TET2: variants seen among roughly 807,000 people sequenced by gnomAD.
TET2 encodes tet methylcytosine dioxygenase 2.
A neutral mutation model predicts 142.9 loss-of-function variants in TET2; 299 were observed. The ratio of observed to expected loss-of-function variants is 2.09; its 90% CI spans 1.90 to 2.30. The LOEUF (loss-of-function observed/expected upper bound fraction) is 2.30. Ranked by LOEUF, TET2 falls within the 30% of genes most tolerant of loss-of-function variation. TET2 has a pLI of 0.00. For synonymous variants in TET2, 819 were observed against 849.0 expected, an observed-to-expected ratio of 0.96 and a Z score of 0.61; for missense variants, 2,418 against 2,378.0, an observed-to-expected ratio of 1.02 and a Z score of -0.35.
At chr4:105,155,257 T>C (rs762734588) in intron 1 of TET2, among the ~76,000 whole-genome samples, 9 of 152,238 alleles carry the variant, frequency 5.9e-5, no homozygotes, top group Non-Finnish European at 1.0e-4. Context: ...AAGTATCTCA[T>C]AGGGTTTAAA....
intron 8 of TET2, among the ~76,000 whole-genome samples, chr4:105,266,448 A>G (rs1204940289): frequency 6.6e-6 from 1 of 152,184 alleles, no homozygotes; most frequent in African/African-American, 2.4e-5. Flanking sequence ...TTACTGGGGA[A>G]CAGGCAGAAA....
intron 5 of TET2, 82 bp downstream of exon 5, chr4:105,243,009 C>A: frequency 8.9e-7 from 1 of 1,121,266 alleles, no homozygotes; most frequent in Non-Finnish European, 1.3e-6. Context: ...TTGGGTTACC[C>A]AGATCAAAGA....
rs145194380 is a variant in TET2, at chr4:105,236,141, C to T, written c.2199C>T (p.Ser733=). The part of the protein sequence containing the change: ...PHKQAAQTQP[S]QSSHLPQNQQ... Reference sequence around the variant, plus strand: ...AACAGGCAGCACAAACACAACCATCCCAGAGTTCACATCTCCCTCAAAACC... The same window carrying T: ...AACAGGCAGCACAAACACAACCATCTCAGAGTTCACATCTCCCTCAAAACC... Residue 733 remains serine, a synonymous_variant, in exon 3 of 11, where the codon TCC becomes TCT. Transcript: ENST00000380013. The T allele has an allele frequency of 1.5e-5, 25 of 1,613,920 alleles. No individual in the cohort carries two copies. The African/African-American group carries it at 3.2e-4, about 21-fold the overall frequency.
At chr4:105,241,831 T>C (rs1578688782) in intron 4 of TET2, 3 of 1,248,158 alleles carry the variant, frequency 2.4e-6, no homozygotes, top group Admixed American at 8.3e-5. Context: ...TGAATTAAAT[T>C]CACCTAGTGT....
At position 105,236,493 on chromosome 4, in the gene TET2, C is replaced by T. The variant is rs750148768; in HGVS notation, c.2551C>T (p.Pro851Ser). Residue 851 changes from proline to serine, a missense_variant, in exon 3 of 11, where the codon CCT (proline) becomes TCT (serine). By Grantham distance (74) the Pro-to-Ser change is moderately conservative (BLOSUM62 -1). Transcript: ENST00000380013. ...VSENKEQTTH[P>S]ELFAGNKTQN... is the part of the protein sequence containing the mutation. ...AGAGAATAAAGAACAGACTACACAT[C>T]CTGAACTTTTTGCAGGAAACAAGAC... The T allele has an allele frequency of 5.5e-5, 88 of 1,613,940 alleles. No individual in the cohort carries two copies. Among genetic ancestry groups the T allele is most frequent in the Non-Finnish European group, 7.3e-5 (86 of 1,180,016 alleles).
At chr4:105,163,687 C>G (rs1723970069) in intron 1 of TET2, among the ~76,000 whole-genome samples, 1 of 152,084 alleles carries the variant, frequency 6.6e-6, no homozygotes, top group South Asian at 2.1e-4. Context: ...TTTGAATTAT[C>G]TTTGGCATCA....
At chr4:105,202,450 C>T (rs1013195930) in intron 2 of TET2, 2 of 152,076 alleles carry the variant, frequency 1.3e-5, no homozygotes, top group African/African-American at 2.4e-5. Flanking sequence ...AATCCTAGGT[C>T]GCTTCCCACT....
intron 6 of TET2, among the ~76,000 whole-genome samples, chr4:105,255,178 C>T (rs889928795): frequency 2.0e-5 from 3 of 152,172 alleles, no homozygotes; most frequent in Non-Finnish European, 4.4e-5. Flanking sequence ...TGTTCTCTAG[C>T]TCTGCTTTAG....
At chr4:105,261,582 C>A (rs1730430139) in intron 7 of TET2, among the ~76,000 whole-genome samples, 177 bp from the exon 8 acceptor site, 1 of 151,920 alleles carries the variant, frequency 6.6e-6, no homozygotes, top group African/African-American at 2.4e-5. Context: ...TAGATATTTA[C>A]TAGCACATAT....
chr4:105,163,834 AGAGAGAGAGAGAGAGAGAGAGTGTGT>A (rs1723988750), intron 1 of TET2, among the ~76,000 whole-genome samples: 1 of 138,032 alleles, frequency 7.2e-6, no homozygotes, highest in Non-Finnish European at 1.6e-5. Flanking sequence ...AGAGAGAGAG[AGAGAGAGAGAGAGAGAGAGAGTGTGT>A]GTGTGTGTGT....
intron 1 of TET2, among the ~76,000 whole-genome samples, chr4:105,176,915 TC>T (rs1724832958): frequency 6.6e-6 from 1 of 152,114 alleles, no homozygotes; most frequent in South Asian, 2.1e-4. Context: ...GAAAGAATAT[TC>T]AAATAGACCA....
chr4:105,259,627 G>T lies in TET2; in HGVS notation c.3812G>T (p.Cys1271Phe). 1 of 1,550,720 alleles carries T rather than the reference G, an allele frequency of 6.4e-7. No individual in the cohort carries two copies. Among genetic ancestry groups the T allele is most frequent in the Non-Finnish European group, 8.7e-7 (1 of 1,146,328 alleles). The change falls in exon 7 of 11, where the codon TGC becomes TTC. Residue 1271 changes from cysteine to phenylalanine, a missense_variant. Coordinates refer to ENST00000380013, the MANE Select transcript of TET2 (RefSeq NM_001127208.3). Reference protein sequence around the residue: ...RRCALNEERTCACQGLDPETC... With the variant: ...RRCALNEERTFACQGLDPETC... ...GTCTTTTGATTTTTCAGGAGAACTT[G>T]CGCCTGTCAGGGGCTGGATCCAGAA...
chr4:105,152,652 C>T (rs1237107084), intron 1 of TET2, among the ~76,000 whole-genome samples: 4 of 132,174 alleles, frequency 3.0e-5, no homozygotes, highest in Admixed American at 9.2e-5. Flanking sequence ...GGCTGGAGTG[C>T]AGTGGTGTGA....
intron 6 of TET2, among the ~76,000 whole-genome samples, chr4:105,248,687 A>G (rs2062764928): frequency 6.6e-6 from 1 of 152,132 alleles, no homozygotes; most frequent in Non-Finnish European, 1.5e-5. Context: ...TACCCTTTTA[A>G]AGTATACAAT....
chr4:105,215,309 AAGAAT>A (rs1727428635), intron 2 of TET2, among the ~76,000 whole-genome samples: 1 of 152,172 alleles, frequency 6.6e-6, no homozygotes, highest in Non-Finnish European at 1.5e-5. Context: ...TTAAACTAAA[AAGAAT>A]AGGTTATTTC....
intron 2 of TET2, among the ~76,000 whole-genome samples, chr4:105,208,829 G>A (rs1308391557): frequency 6.6e-6 from 1 of 151,642 alleles, no homozygotes; most frequent in African/African-American, 2.4e-5. Flanking sequence ...AGGAAACTTG[G>A]TACCAATTAA....
intron 2 of TET2, among the ~76,000 whole-genome samples, chr4:105,196,411 C>T (rs764986909): frequency 2.0e-5 from 3 of 152,052 alleles, no homozygotes; most frequent in Non-Finnish European, 2.9e-5. Flanking sequence ...CTACTTATCC[C>T]CTTTTCAGAG....
chr4:105,146,712 G>GGCC (rs1383539147), upstream of TET2: 8 of 152,034 alleles, frequency 5.3e-5, no homozygotes, highest in East Asian at 1.4e-3. Flanking sequence ...GAGCTTGGGC[G>GGCC]GCCGCCGCCG....
chr4:105,151,796 C>G (rs1023769853), intron 1 of TET2, among the ~76,000 whole-genome samples: 1 of 152,172 alleles, frequency 6.6e-6, no homozygotes. Context: ...GAGACGAGGC[C>G]GGTTGTGGTG....
Sources: gnomAD v4.1 joint callset for allele counts (sites outside exome capture counted in the v4.1 genomes callset) on GRCh38, gnomAD v4.1.1 for gene constraint, MANE v1.5 for transcripts, NCBI Gene and HGNC (gene_info 2026-07-23, HGNC 2026-07-21) for gene names.